Variants in TMEM131L observed in about 807,000 individuals in gnomAD.
TMEM131L encodes the protein transmembrane 131 like.
Under a neutral mutation model 192.2 loss-of-function variants are expected in TMEM131L, and 54 were observed. The observed-to-expected ratio is 0.28, with a 90% CI of 0.23 to 0.35. The LOEUF (loss-of-function observed/expected upper bound fraction) is 0.35. TMEM131L is among the 10% of genes least tolerant of loss of function. TMEM131L has a pLI of 1.00. For synonymous variants in TMEM131L, 701 were observed against 704.9 expected (o/e 0.99, Z 0.09); for missense variants, 1,888 against 1,972.9 (o/e 0.96, Z 0.82).
chr4:153,565,545 G>T (rs1414592891), intron 7 of TMEM131L, among the ~76,000 whole-genome samples: 1 of 152,194 alleles, frequency 6.6e-6, no homozygotes, highest in African/African-American at 2.4e-5. Flanking sequence ...GTCCTTGGCA[G>T]TGCCAGCTCA....
intron 11 of TMEM131L, 101 bp downstream of exon 11, chr4:153,583,773 G>A: frequency 1.4e-6 from 1 of 699,474 alleles, no homozygotes; most frequent in Non-Finnish European, 2.5e-6. Context: ...TCAAAAAAGT[G>A]AAGGGAATGC....
chr4:153,485,121 T>TAA (rs768830957), intron 3 of TMEM131L, among the ~76,000 whole-genome samples: 67 of 106,882 alleles, frequency 6.3e-4, no homozygotes, highest in Admixed American at 5.1e-4. Flanking sequence ...TCTGTCTCAT[T>TAA]AAAAAAAAAA....
intron 3 of TMEM131L, among the ~76,000 whole-genome samples, chr4:153,541,829 C>A (rs752475333): frequency 6.6e-6 from 1 of 152,238 alleles, no homozygotes; most frequent in Non-Finnish European, 1.5e-5. Flanking sequence ...AAATAGACTG[C>A]TGAGAACCCC....
In TMEM131L at chr4:153,558,182, G is replaced by C. The variant is rs1561190822; in HGVS notation, c.550-76G>C. The C allele has an allele frequency of 1.4e-5, 10 of 698,930 alleles. No individual in the cohort carries two copies. In the East Asian group the frequency reaches 2.5e-4, roughly 18 times the overall value. The allele number at this position is 698,930 out of a possible 1,614,324, so 43.3% of individuals were successfully genotyped here. A position where few individuals can be genotyped will look rare whatever the true frequency, so the allele number is the denominator to read the frequency against. ...TGCTGATGAATACAGATTTCCTTTGGAGACGTGCTTTAGCATTATGGCAAA... is the reference window on the plus strand; with the variant it reads ...TGCTGATGAATACAGATTTCCTTTGCAGACGTGCTTTAGCATTATGGCAAA... On this transcript the variant is annotated intron_variant, in intron 6 of 34. Coordinates refer to ENST00000409959, the MANE Select transcript of TMEM131L (RefSeq NM_001131007.2).
chr4:153,508,936 G>GC (rs1734168889), intron 3 of TMEM131L, among the ~76,000 whole-genome samples: 1 of 151,858 alleles, frequency 6.6e-6, no homozygotes, highest in African/African-American at 2.4e-5. Context: ...GAGCCACCAC[G>GC]CCCAGCCTAG....
At chr4:153,633,598 A>G (rs1280821243) in intron 32 of TMEM131L, among the ~76,000 whole-genome samples, 2 of 152,138 alleles carry the variant, frequency 1.3e-5, no homozygotes, top group African/African-American at 4.8e-5. Context: ...CAGTTTCTCA[A>G]ATTTGCTATT....
chr4:153,539,347 T>G (rs146437350), intron 3 of TMEM131L, among the ~76,000 whole-genome samples: 1 of 152,330 alleles, frequency 6.6e-6, no homozygotes, highest in East Asian at 1.9e-4. Flanking sequence ...TGGGGTTATA[T>G]TATATAAGTG....
At chr4:153,584,144 A>T (rs1350686190) in intron 11 of TMEM131L, among the ~76,000 whole-genome samples, 1 of 152,194 alleles carries the variant, frequency 6.6e-6, no homozygotes, top group Non-Finnish European at 1.5e-5. Flanking sequence ...CAGATGTGAG[A>T]GAGTGTTCAG....
chr4:153,567,601 A>G (rs971258744), intron 7 of TMEM131L, among the ~76,000 whole-genome samples: 2 of 150,992 alleles, frequency 1.3e-5, no homozygotes, highest in Non-Finnish European at 2.9e-5. Flanking sequence ...CTGGAGTGCA[A>G]TGGCACGATC....
At chr4:153,589,043 G>A (rs757894347) in intron 16 of TMEM131L, 36 bp downstream of exon 16, 23 of 1,120,168 alleles carry the variant, frequency 2.1e-5, no homozygotes, top group Middle Eastern at 2.0e-4. Flanking sequence ...GTTCGGTGGT[G>A]GGGAGACACT....
rs756455231 is a variant in TMEM131L, at chr4:153,555,483, G to GT, written c.309-297dup. ...TGAGTGCCTACATGTGTTTTGTTTT[G>GT]TTTTTTTGCAAGCATTTTAATGGCC... On this transcript the variant is annotated intron_variant, in intron 4 of 34. Transcript: ENST00000409959. The surrounding 1 kb of genome is among the most constrained non-coding windows in gnomAD (Gnocchi z 4.1). Among the ~76,000 whole-genome samples the GT allele has an allele frequency of 1.8e-4, 28 of 152,054 alleles. No individual in the cohort carries two copies. The highest frequency in any genetic ancestry group is 7.2e-4 in the Admixed American group (11 of 15,256).
At chr4:153,557,109 A>T (rs1728522199) in intron 6 of TMEM131L, 27 bp downstream of exon 6, 2 of 1,106,622 alleles carry the variant, frequency 1.8e-6, no homozygotes. Flanking sequence ...TTTTGTCACA[A>T]CTTTGGTTGG....
chr4:153,530,033 CTT>C (rs35942570), intron 3 of TMEM131L, among the ~76,000 whole-genome samples: 29 of 140,754 alleles, frequency 2.1e-4, no homozygotes, highest in Admixed American at 3.6e-4. Context: ...CTCTGTTGTC[CTT>C]TTTTTTTTTT....
At chr4:153,504,067 C>T (rs897844826) in intron 3 of TMEM131L, among the ~76,000 whole-genome samples, 7 of 147,408 alleles carry the variant, frequency 4.7e-5, no homozygotes, top group East Asian at 2.1e-4. Flanking sequence ...CCTGGGTTCA[C>T]GCCATTCTCC....
chr4:153,634,696 C>G (rs546430884), intron 33 of TMEM131L, among the ~76,000 whole-genome samples: 13 of 152,184 alleles, frequency 8.5e-5, no homozygotes, highest in African/African-American at 2.7e-4. Context: ...ACTTCTCTGC[C>G]CTTGGGTGGT....
intron 7 of TMEM131L, among the ~76,000 whole-genome samples, chr4:153,578,270 C>T (rs574328527): frequency 2.0e-5 from 3 of 152,070 alleles, no homozygotes; most frequent in African/African-American, 4.8e-5. Context: ...GTGGGAGGAT[C>T]GCTTGAGGCC....
In TMEM131L at chr4:153,467,379, C is replaced by T. The variant is rs1211561849; in HGVS notation, c.195+98C>T. On this transcript the variant is annotated intron_variant, in intron 2 of 34. Coordinates refer to ENST00000409959, the MANE Select transcript of TMEM131L (RefSeq NM_001131007.2). ...CCACCCCCTGTCCAAGCGGCACAGG[C>T]GTTCGGGCCACTTTGCAAGGCAAAT... The T allele has an allele frequency of 3.9e-6, 4 of 1,031,854 alleles. No homozygotes were observed. The South Asian group carries it at 4.2e-5, about 11-fold the overall frequency. The allele number at this position is 1,031,854 out of a possible 1,614,324, so 63.9% of individuals were successfully genotyped here. A position where few individuals can be genotyped will look rare whatever the true frequency, so the allele number is the denominator to read the frequency against.
chr4:153,572,548 C>G (rs1489044497), intron 7 of TMEM131L, among the ~76,000 whole-genome samples: 1 of 152,054 alleles, frequency 6.6e-6, no homozygotes, highest in African/African-American at 2.4e-5. Context: ...TCAGGCTGGT[C>G]TTGAACTCCT....
intron 26 of TMEM131L, among the ~76,000 whole-genome samples, chr4:153,615,033 C>T (rs1370084053): frequency 1.3e-5 from 2 of 152,160 alleles, no homozygotes; most frequent in African/African-American, 2.4e-5. Context: ...CAAAGCAATG[C>T]TGTTATCACG....
Sources: allele counts gnomAD v4.1 joint callset (sites outside exome capture counted in the v4.1 genomes callset), GRCh38; gene constraint gnomAD v4.1.1; non-coding constraint Gnocchi (gnomAD v3.1); transcripts MANE v1.5; gene names NCBI Gene and HGNC (gene_info 2026-07-23, HGNC 2026-07-21).